C4orf51: variants seen among roughly 807,000 people sequenced by gnomAD.
C4orf51 encodes the protein chromosome 4 open reading frame 51.
Under a neutral mutation model 25.2 loss-of-function variants are expected in C4orf51, and 25 were observed. The observed-to-expected ratio is 0.99, with a 90% CI of 0.72 to 1.39. The LOEUF is 1.39. Ranked by LOEUF, C4orf51 falls within the 40% of genes most tolerant of loss-of-function variation. The probability of loss-of-function intolerance (pLI) is 0.00; values close to 1 mark genes in which losing one functional copy is unlikely to be tolerated. For missense variants in C4orf51, 252 were observed against 239.6 expected, an observed-to-expected ratio of 1.05 and a Z score of -0.34; for synonymous variants, 100 against 84.5, an observed-to-expected ratio of 1.18 and a Z score of -1.01.
At chr4:145,686,187 G>A (rs937845414) in intron 1 of C4orf51, among the ~76,000 whole-genome samples, 2 of 152,108 alleles carry the variant, frequency 1.3e-5, no homozygotes, top group Non-Finnish European at 2.9e-5. Context: ...TTTGTGTGAC[G>A]TACCTAGGCT....
At chr4:145,738,674 C>T (rs13137381) in intron 1 of C4orf51, among the ~76,000 whole-genome samples, 3 of 151,796 alleles carry the variant, frequency 2.0e-5, no homozygotes, top group Non-Finnish European at 4.4e-5. Context: ...GGGTCTTGCT[C>T]TGTCACTCAG....
intron 2 of C4orf51, among the ~76,000 whole-genome samples, chr4:145,721,309 C>A (rs1471806592): frequency 6.8e-6 from 1 of 147,628 alleles, no homozygotes; most frequent in African/African-American, 2.5e-5. Flanking sequence ...TGCACCACTG[C>A]ACTCCAGCCT....
chr4:145,775,825 T>C (rs1347746101), downstream of C4orf51: 1 of 1,614,036 alleles, frequency 6.2e-7, no homozygotes, highest in African/African-American at 1.3e-5. Flanking sequence ...ATCACTGCCT[T>C]CAGAGGTGAC....
At chr4:145,737,455 T>C (rs1050080932), downstream of C4orf51, among the ~76,000 whole-genome samples, 2 of 152,252 alleles carry the variant, frequency 1.3e-5, no homozygotes, top group African/African-American at 4.8e-5. Context: ...AAATAAAACA[T>C]GAATAAGTTC....
intron 2 of C4orf51, among the ~76,000 whole-genome samples, chr4:145,719,588 C>CA (rs57272346): frequency 0.29 from 26,112 of 89,774 alleles, 3,759 homozygotes; most frequent in African/African-American, 0.4. Context: ...GACTCTGTCT[C>CA]AAAAAAAAAA....
chr4:145,743,343 T>C (rs1244854611), intron 1 of C4orf51, among the ~76,000 whole-genome samples: 2 of 152,190 alleles, frequency 1.3e-5, no homozygotes, highest in Non-Finnish European at 2.9e-5. Context: ...TTGTGAAGGC[T>C]TTCTTGCTGC....
intron 1 of C4orf51, among the ~76,000 whole-genome samples, chr4:145,683,863 C>G (rs1728981078): frequency 1.3e-5 from 2 of 152,072 alleles, no homozygotes; most frequent in Non-Finnish European, 2.9e-5. Context: ...AGATACAACA[C>G]CAAAGGTATG....
At chr4:145,738,994 T>G (rs1375077434) in intron 1 of C4orf51, among the ~76,000 whole-genome samples, 4 of 152,194 alleles carry the variant, frequency 2.6e-5, no homozygotes, top group Non-Finnish European at 4.4e-5. Flanking sequence ...CATTCTGTCC[T>G]TGTCCCTTCC....
At chr4:145,717,437 C>T (rs1731483474) in intron 2 of C4orf51, among the ~76,000 whole-genome samples, 1 of 152,234 alleles carries the variant, frequency 6.6e-6, no homozygotes, top group South Asian at 2.1e-4. Flanking sequence ...AACAATACAT[C>T]AAAGCAGAAC....
At chr4:145,748,073 G>A (rs1258056341) in intron 1 of C4orf51, among the ~76,000 whole-genome samples, 1 of 151,890 alleles carries the variant, frequency 6.6e-6, no homozygotes, top group African/African-American at 2.4e-5. Flanking sequence ...TAACATTCAA[G>A]TTATTGGTTC....
chr4:145,766,685 C>T (rs972576395), intron 1 of C4orf51, among the ~76,000 whole-genome samples: 12 of 152,056 alleles, frequency 7.9e-5, no homozygotes, highest in African/African-American at 1.7e-4. Flanking sequence ...GATCAGAGCA[C>T]GGGGGTGAAG....
chr4:145,707,106 T>C (rs946908954), intron 2 of C4orf51, among the ~76,000 whole-genome samples: 27 of 151,790 alleles, frequency 1.8e-4, no homozygotes, highest in Non-Finnish European at 2.9e-4. Context: ...CATGAGCCAA[T>C]TTTTTTTATT....
At chr4:145,683,838 T>A (rs556938415) in intron 1 of C4orf51, among the ~76,000 whole-genome samples, 1 of 152,190 alleles carries the variant, frequency 6.6e-6, no homozygotes, top group Non-Finnish European at 1.5e-5. Flanking sequence ...GGTATGGCAA[T>A]GGCAATGATA....
intron 2 of C4orf51, among the ~76,000 whole-genome samples, chr4:145,709,605 C>T (rs1042099606): frequency 6.6e-6 from 1 of 152,180 alleles, no homozygotes; most frequent in Non-Finnish European, 1.5e-5. Flanking sequence ...TGGACTTGCC[C>T]CTGAGGCAGA....
chr4:145,730,666 A>G (rs570447451), intron 5 of C4orf51, among the ~76,000 whole-genome samples: 3 of 151,372 alleles, frequency 2.0e-5, no homozygotes, highest in Non-Finnish European at 4.4e-5. Context: ...AATTATGTTT[A>G]TTATACCATG....
intron 1 of C4orf51, among the ~76,000 whole-genome samples, chr4:145,747,329 A>G (rs1409427413): frequency 6.6e-6 from 1 of 150,494 alleles, no homozygotes; most frequent in African/African-American, 2.4e-5. Context: ...CTAGCTGTGG[A>G]TCTGTCATAT....
intron 2 of C4orf51, among the ~76,000 whole-genome samples, chr4:145,698,261 A>AG (rs1018741289): frequency 1.3e-5 from 2 of 152,220 alleles, no homozygotes; most frequent in African/African-American, 2.4e-5. Context: ...GCCAAGGTGA[A>AG]GGACACATCT....
At position 145,765,176 on chromosome 4, in the gene C4orf51, C is replaced by G; in HGVS notation, n.167-5812C>G. On this transcript the variant is annotated intron_variant and non_coding_transcript_variant, in intron 1 of 1. Coordinates refer to the C4orf51 transcript ENST00000510096. This position sits in a 1 kb window ranked among gnomAD's most constrained non-coding sequence, Gnocchi z 4.7. ...AAACACATTCGAACCCTGCAAGGAC[C>G]GAAGCTGGGTATAGAGGTGCACAGG... 1.3e-6 allele frequency: 2 copies of G among 1,594,126 alleles called. No individual in the cohort carries two copies. Among genetic ancestry groups the G allele is most frequent in the East Asian group, 2.2e-5 (1 of 44,798 alleles).
rs1219457217 is a variant in C4orf51 at position 145,762,897 on chromosome 4, A to ACTC, written n.167-8089_167-8088insCCT. 6.6e-6 allele frequency among the ~76,000 whole-genome samples: 1 copy of ACTC among 152,208 alleles called. No individual in the cohort carries two copies. The highest frequency in any genetic ancestry group is 1.9e-4 in the East Asian group (1 of 5,202). On this transcript the variant is annotated intron_variant and non_coding_transcript_variant, in intron 1 of 1. Coordinates refer to the C4orf51 transcript ENST00000510096. This position sits in a 1 kb window ranked among gnomAD's most constrained non-coding sequence, Gnocchi z 4.9. ...CCTGCAGGGCAGGGCTCAGGAGTGG[A>ACTC]CTGTCCTCGGAGGGTCTGGAGAGGT... is the stretch of plus-strand genomic sequence containing the variant.
Sources: allele counts gnomAD v4.1 joint callset (sites outside exome capture counted in the v4.1 genomes callset), GRCh38; gene constraint gnomAD v4.1.1; non-coding constraint Gnocchi (gnomAD v3.1); transcripts MANE v1.5; gene names NCBI Gene and HGNC (gene_info 2026-07-23, HGNC 2026-07-21).